The following LTA4H variants were observed in gnomAD, a reference collection of about 807,000 sequenced individuals.
The protein encoded by LTA4H is leukotriene A-4 hydrolase.
A neutral mutation model predicts 89.8 loss-of-function variants in LTA4H; 59 were observed. The ratio of observed to expected loss-of-function variants is 0.66; its 90% CI spans 0.53 to 0.82. The LOEUF is 0.82. LTA4H is among the 40% of genes least tolerant of loss of function. The pLI is 0.00. For synonymous variants in LTA4H, 227 were observed against 253.1 expected (o/e 0.90, Z 0.98); for missense variants, 617 against 727.0 (o/e 0.85, Z 1.74).
upstream of LTA4H, among the ~76,000 whole-genome samples, chr12:96,037,619 C>T (rs547536732): frequency 3.0e-4 from 45 of 151,276 alleles, no homozygotes; most frequent in African/African-American, 9.7e-4. Flanking sequence ...GCATAAACCA[C>T]TGTCAAGTTG....
intron 17 of LTA4H, 156 bp downstream of exon 17, chr12:96,003,682 C>G: frequency 2.4e-6 from 1 of 412,936 alleles, no homozygotes; most frequent in East Asian, 3.8e-5. Context: ...GCAACTATTC[C>G]TTAAATACCA....
intron 14 of LTA4H, 71 bp from the exon 15 acceptor site, chr12:96,009,219 T>C (rs1204572608): frequency 2.0e-6 from 2 of 981,962 alleles, no homozygotes; most frequent in Non-Finnish European, 3.2e-6. Context: ...AAAGCTACAG[T>C]ACATACTTAA....
At chr12:96,028,826 G>A (rs1950540411) in intron 2 of LTA4H, among the ~76,000 whole-genome samples, 1 of 152,124 alleles carries the variant, frequency 6.6e-6, no homozygotes, top group Non-Finnish European at 1.5e-5. Context: ...GAAACTAACA[G>A]TTCCCAAAGT....
At chr12:96,036,175 A>C (rs891786573), upstream of LTA4H, among the ~76,000 whole-genome samples, 6 of 152,174 alleles carry the variant, frequency 3.9e-5, no homozygotes, top group Non-Finnish European at 7.3e-5. Flanking sequence ...TTTATTATGT[A>C]TATCCCCAGA....
chr12:96,019,585 A>ATTTTTTTT (rs755971682), intron 6 of LTA4H, among the ~76,000 whole-genome samples: 3 of 99,390 alleles, frequency 3.0e-5, no homozygotes, highest in African/African-American at 8.9e-5. Flanking sequence ...ATAAGAAACT[A>ATTTTTTTT]TTTTTTTTTT....
At chr12:96,037,733 G>A (rs1450979141), upstream of LTA4H, among the ~76,000 whole-genome samples, 2 of 137,114 alleles carry the variant, frequency 1.5e-5, no homozygotes, top group African/African-American at 2.7e-5. Flanking sequence ...TCGCTCTGTC[G>A]CCTAGGCTGG....
intron 1 of LTA4H, 34 bp downstream of exon 1, chr12:96,035,327 G>T: frequency 6.4e-7 from 1 of 1,569,956 alleles, no homozygotes; most frequent in Non-Finnish European, 8.7e-7. Context: ...GGGAGCCCGG[G>T]AGAGGCGGGC....
intron 1 of LTA4H, among the ~76,000 whole-genome samples, chr12:96,033,465 G>C (rs1950598451): frequency 1.3e-5 from 2 of 152,184 alleles, no homozygotes; most frequent in African/African-American, 2.4e-5. Context: ...CTGAACACAA[G>C]TGTCCTGAAT....
chr12:96,002,647 A>G (rs1286892787), intron 18 of LTA4H, among the ~76,000 whole-genome samples: 4 of 152,174 alleles, frequency 2.6e-5, no homozygotes, highest in Non-Finnish European at 5.9e-5. Flanking sequence ...TCTTGTCTAT[A>G]CCTACCCACC....
chr12:96,036,083 C>A (rs996131371), upstream of LTA4H, among the ~76,000 whole-genome samples: 1 of 151,872 alleles, frequency 6.6e-6, no homozygotes. Context: ...TTCGATTCCC[C>A]GACGGGGAGG....
chr12:96,017,234 G>A, intron 9 of LTA4H, 120 bp from the exon 10 acceptor site: 2 of 739,268 alleles, frequency 2.7e-6, no homozygotes, highest in Non-Finnish European at 4.6e-6. Flanking sequence ...TATTCAGGGA[G>A]TTACTCAGTT....
chr12:96,042,982 G>A (rs1950699472), intron 1 of LTA4H, among the ~76,000 whole-genome samples: 1 of 152,194 alleles, frequency 6.6e-6, no homozygotes, highest in Non-Finnish European at 1.5e-5. Context: ...AGGTCTGTCA[G>A]GATCTTGATC....
chr12:96,028,035 T>C (rs1048933046), intron 2 of LTA4H: 4 of 152,354 alleles, frequency 2.6e-5, no homozygotes, highest in African/African-American at 7.2e-5. Flanking sequence ...TTTAGAGTCA[T>C]TTTTGTCTGT....
intron 1 of LTA4H, among the ~76,000 whole-genome samples, chr12:96,042,617 C>T (rs1476947553): frequency 2.6e-5 from 4 of 152,184 alleles, no homozygotes; most frequent in Admixed American, 6.5e-5. Context: ...TAATCACCTA[C>T]GTCTTTAGAT....
At chr12:96,038,864 T>C (rs1950668366), upstream of LTA4H, among the ~76,000 whole-genome samples, 1 of 150,670 alleles carries the variant, frequency 6.6e-6, no homozygotes, top group Non-Finnish European at 1.5e-5. Flanking sequence ...CCACAGAGTT[T>C]ATGCCACTTG....
intron 18 of LTA4H, among the ~76,000 whole-genome samples, chr12:96,002,751 A>G (rs1342675424): frequency 1.3e-5 from 2 of 152,222 alleles, no homozygotes; most frequent in African/African-American, 2.4e-5. Flanking sequence ...ATTTGATCCA[A>G]AATAGTAATC....
rs760749003 is a variant in LTA4H, at chr12:96,014,879, G to A, written c.1180C>T (p.Leu394Phe). ...CCTGGTCCTCCAAGCAGTTGTTCAA[G>A]GTAAAAAAGTAAAGCAAAGCCCTTC... The part of the protein sequence containing the change: ...YEKGFALLFY[L>F]EQLLGGPEIF... Residue 394 changes from leucine (L) to phenylalanine (F), a missense_variant, in exon 12 of 19, where the codon CTT (leucine) becomes TTT (phenylalanine). Physicochemically the swap from Leu to Phe is conservative, Grantham distance 22. This residue lies in a region of LTA4H where 290 missense variants were observed against 339.1 expected (regional missense o/e 0.86). Coordinates refer to ENST00000228740, the MANE Select transcript of LTA4H (RefSeq NM_000895.3). 1 of 1,612,728 alleles carries A rather than the reference G, an allele frequency of 6.2e-7. No individual in the cohort carries two copies. The highest frequency in any genetic ancestry group is 1.7e-5 in the Admixed American group (1 of 59,900).
upstream of LTA4H, among the ~76,000 whole-genome samples, chr12:96,036,896 G>T (rs11108384): frequency 0.024 from 3,630 of 152,266 alleles, 95 homozygotes; most frequent in African/African-American, 0.065. Flanking sequence ...ATGGCAGAAG[G>T]TGAAGAAGGG....
At chr12:96,014,793 C>A (rs2136885798) in intron 12 of LTA4H, 62 bp downstream of exon 12, 1 of 1,447,078 alleles carries the variant, frequency 6.9e-7, no homozygotes. Flanking sequence ...GTTTACAATT[C>A]TTCCTAATTC....
Sources: gnomAD v4.1 joint callset for allele counts (sites outside exome capture counted in the v4.1 genomes callset) on GRCh38, gnomAD v4.1.1 for gene constraint, gnomAD v4.1.1 regional missense constraint, MANE v1.5 for transcripts, NCBI Gene and HGNC (gene_info 2026-07-23, HGNC 2026-07-21) for gene names.